Variants in NR3C2 observed in about 807,000 individuals in gnomAD.
NR3C2 encodes nuclear receptor subfamily 3 group C member 2.
NR3C2 carries 15 observed loss-of-function variants against 86.4 expected under a neutral mutation model. That is an observed-to-expected ratio of 0.17 (90% CI 0.12 to 0.27). The LOEUF is 0.27. Among genes scored for constraint, NR3C2 ranks in the 10% least tolerant of loss-of-function variants. The pLI is 1.00. For missense variants in NR3C2, 960 were observed against 1,195.6 expected (o/e 0.80, Z 2.91); for synonymous variants, 458 against 450.5 (o/e 1.02, Z -0.21).
At chr4:148,094,783 C>G (rs1731209727) in intron 8 of NR3C2, among the ~76,000 whole-genome samples, 2 of 150,974 alleles carry the variant, frequency 1.3e-5, no homozygotes, top group Admixed American at 1.3e-4. Context: ...GCATTATTCA[C>G]AATTCCGAAA....
chr4:148,388,134 C>T (rs72656898), intron 2 of NR3C2, among the ~76,000 whole-genome samples: 3,081 of 152,100 alleles, frequency 0.02, 110 homozygotes, highest in African/African-American at 0.071. Flanking sequence ...AAAATGGCTT[C>T]GGAAAATAAT....
intron 2 of NR3C2, among the ~76,000 whole-genome samples, chr4:148,359,849 T>C (rs1176323655): frequency 6.6e-6 from 1 of 152,180 alleles, no homozygotes; most frequent in Non-Finnish European, 1.5e-5. Context: ...ACAGGAGAGC[T>C]AAATCTTTAC....
At chr4:148,397,061 G>A (rs72658616) in intron 2 of NR3C2, among the ~76,000 whole-genome samples, 9 of 152,170 alleles carry the variant, frequency 5.9e-5, no homozygotes, top group African/African-American at 1.2e-4. Flanking sequence ...AATTTGAAGT[G>A]TAAATAGCTA....
chr4:148,393,913 C>T (rs1053278739), intron 2 of NR3C2, among the ~76,000 whole-genome samples: 1 of 152,186 alleles, frequency 6.6e-6, no homozygotes, highest in Non-Finnish European at 1.5e-5. Context: ...CTATTTCCCA[C>T]CCCTTGTGTC....
upstream of NR3C2, chr4:148,444,678 G>T (rs1474614675): frequency 1.0e-6 from 1 of 985,404 alleles, no homozygotes; most frequent in Non-Finnish European, 1.2e-6. Flanking sequence ...CAGTCGCCCT[G>T]CTGACGGTGG....
chr4:148,091,558 G>A (rs1367543422), intron 8 of NR3C2, among the ~76,000 whole-genome samples: 1 of 152,226 alleles, frequency 6.6e-6, no homozygotes, highest in East Asian at 1.9e-4. Flanking sequence ...GGTCAGCATG[G>A]ATACTGACCA....
intron 6 of NR3C2, among the ~76,000 whole-genome samples, chr4:148,151,609 A>G (rs1480093492): frequency 6.6e-6 from 1 of 152,202 alleles, no homozygotes; most frequent in Non-Finnish European, 1.5e-5. Flanking sequence ...GTGTGTTGGC[A>G]CTATCTGTCT....
chr4:148,347,861 T>A lies in NR3C2; in HGVS notation c.1757+87243A>T, dbSNP rs140105210. On this transcript the variant is annotated intron_variant, in intron 2 of 8. Transcript: ENST00000358102. ...GGTTTATATGGCTTACAATTTCCAA[T>A]CACTACATCCTTAAGCACTTCACAC... Among the ~76,000 whole-genome samples, 910 of 152,138 alleles carry A rather than the reference T, an allele frequency of 6.0e-3. 37 individuals are homozygous for A. Among genetic ancestry groups the A allele is most frequent in the East Asian group, 8.7e-3 (45 of 5,158 alleles).
chr4:148,284,527 T>A (rs993342937), intron 2 of NR3C2, among the ~76,000 whole-genome samples: 5 of 152,184 alleles, frequency 3.3e-5, no homozygotes, highest in African/African-American at 9.6e-5. Flanking sequence ...TTTCTTTTTT[T>A]AAAACACATC....
intron 2 of NR3C2, among the ~76,000 whole-genome samples, chr4:148,329,371 A>G (rs755205641): frequency 5.9e-5 from 9 of 152,198 alleles, no homozygotes; most frequent in Non-Finnish European, 2.9e-5. Context: ...TATATACACA[A>G]TGCACTTAAG....
At chr4:148,322,973 A>C (rs1344291825) in intron 2 of NR3C2, among the ~76,000 whole-genome samples, 1 of 149,768 alleles carries the variant, frequency 6.7e-6, no homozygotes, top group African/African-American at 2.5e-5. Flanking sequence ...TAGAGTTTCC[A>C]GTTTTTCTGT....
chr4:148,158,655 A>C (rs533499125), intron 4 of NR3C2, among the ~76,000 whole-genome samples: 13 of 152,360 alleles, frequency 8.5e-5, no homozygotes, highest in African/African-American at 2.6e-4. Context: ...AATTTTATTA[A>C]AAGTGACTTT....
At chr4:148,204,919 C>A (rs989998825) in intron 3 of NR3C2, among the ~76,000 whole-genome samples, 3 of 152,140 alleles carry the variant, frequency 2.0e-5, no homozygotes, top group Admixed American at 6.5e-5. Context: ...ACAGCCCTTG[C>A]AAGAATTTAA....
intron 4 of NR3C2, among the ~76,000 whole-genome samples, chr4:148,188,481 A>G (rs773947497): frequency 6.6e-6 from 1 of 151,900 alleles, no homozygotes; most frequent in Non-Finnish European, 1.5e-5. Flanking sequence ...TTGATTTTAT[A>G]TTTTTTGCAG....
chr4:148,123,200 C>T (rs1456265060), intron 6 of NR3C2, among the ~76,000 whole-genome samples: 1 of 152,150 alleles, frequency 6.6e-6, no homozygotes, highest in Non-Finnish European at 1.5e-5. Context: ...TACCCTCAGG[C>T]TTACTAGGAT....
At chr4:148,186,718 G>A (rs1435998723) in intron 4 of NR3C2, among the ~76,000 whole-genome samples, 1 of 151,692 alleles carries the variant, frequency 6.6e-6, no homozygotes, top group Non-Finnish European at 1.5e-5. Context: ...CATCCAAGCA[G>A]TATACACTGC....
At chr4:148,379,488 A>G (rs1746853508) in intron 2 of NR3C2, among the ~76,000 whole-genome samples, 1 of 152,200 alleles carries the variant, frequency 6.6e-6, no homozygotes, top group Non-Finnish European at 1.5e-5. Context: ...ATATCTGAAG[A>G]GAGAATCAAG....
chr4:148,080,779 C>T lies in NR3C2; in HGVS notation c.*565G>A. On this transcript the variant is annotated 3_prime_UTR_variant, in exon 9 of 9. Transcript: ENST00000358102. ...CTAACGAGTGTGTATACCAGTGATG[C>T]AGAAGACCGTGGACGAGCGAGGGCT... The T allele has an allele frequency of 2.4e-6, 1 of 419,976 alleles. No individual in the cohort carries two copies. The highest frequency in any genetic ancestry group is 4.9e-6 in the Non-Finnish European group (1 of 204,196). The allele number at this position is 419,976 out of a possible 1,614,324, so 26.0% of individuals were successfully genotyped here.
intron 2 of NR3C2, among the ~76,000 whole-genome samples, chr4:148,300,416 G>A (rs1477528890): frequency 6.6e-6 from 1 of 152,152 alleles, no homozygotes; most frequent in South Asian, 2.1e-4. Context: ...CAGGTAGAAA[G>A]GGATTTAAAA....
Sources: allele counts gnomAD v4.1 joint callset (sites outside exome capture counted in the v4.1 genomes callset), GRCh38; gene constraint gnomAD v4.1.1; transcripts MANE v1.5; gene names NCBI Gene and HGNC (gene_info 2026-07-23, HGNC 2026-07-21).